ACTA2: variants seen among roughly 807,000 people sequenced by gnomAD.
ACTA2 encodes the protein actin, aortic smooth muscle.
Under a neutral mutation model 39.5 loss-of-function variants are expected in ACTA2, and 12 were observed. That is an observed-to-expected ratio of 0.30 (90% CI 0.19 to 0.49). ACTA2 has a LOEUF of 0.49. Ranked by LOEUF, ACTA2 falls within the 20% of genes least tolerant of loss-of-function variation. The pLI, the probability that ACTA2 is intolerant of heterozygous loss-of-function variation, is 0.99. For missense variants in ACTA2, 236 were observed against 498.8 expected, an observed-to-expected ratio of 0.47 and a Z score of 5.02; for synonymous variants, 158 against 180.6, an observed-to-expected ratio of 0.88 and a Z score of 1.00.
chr10:88,956,400 CTT>C (rs773111838), upstream of ACTA2, among the ~76,000 whole-genome samples: 3 of 152,194 alleles, frequency 2.0e-5, no homozygotes, highest in Non-Finnish European at 4.4e-5. Context: ...TTCAAACTCT[CTT>C]TCTGACACTA....
chr10:88,990,927 G>A lies in ACTA2; in HGVS notation c.-24+12C>T. The A allele has an allele frequency of 1.9e-6, 3 of 1,614,200 alleles. No individual in the cohort carries two copies. The highest frequency in any genetic ancestry group is 2.5e-6 in the Non-Finnish European group (3 of 1,180,020). ...CTCTGGTGAGCCCTCTCCTGCCCGG[G>A]TGGAGGCTTACCCCGTCTTAGTCCC... On this transcript the variant is annotated intron_variant, in intron 1 of 4. Coordinates refer to the ACTA2 transcript ENST00000415557. This position sits in a 1 kb window ranked among gnomAD's most constrained non-coding sequence, Gnocchi z 4.9.
At chr10:88,976,941 G>T (rs1846578460) in intron 1 of ACTA2, among the ~76,000 whole-genome samples, 1 of 152,228 alleles carries the variant, frequency 6.6e-6, no homozygotes, top group Non-Finnish European at 1.5e-5. Flanking sequence ...TATATCTGGT[G>T]AAGGTAATTT....
intron 1 of ACTA2, among the ~76,000 whole-genome samples, chr10:88,958,850 G>A (rs919427075): frequency 1.3e-5 from 2 of 152,098 alleles, no homozygotes; most frequent in African/African-American, 4.8e-5. Context: ...GGTTTCCTCG[G>A]TCCTCGGGGG....
upstream of ACTA2, among the ~76,000 whole-genome samples, chr10:88,957,624 G>A (rs1211059175): frequency 6.6e-6 from 1 of 152,124 alleles, no homozygotes; most frequent in Admixed American, 6.5e-5. Context: ...GAGGACCTTT[G>A]CTCATGCTGC....
intron 3 of ACTA2, among the ~76,000 whole-genome samples, chr10:88,944,621 T>C (rs1845913216): frequency 6.6e-6 from 1 of 152,224 alleles, no homozygotes; most frequent in Non-Finnish European, 1.5e-5. Flanking sequence ...TCTCGAGGGA[T>C]GAGAAAAGCT....
At chr10:88,987,308 T>C (rs904823632) in intron 1 of ACTA2, among the ~76,000 whole-genome samples, 2 of 152,266 alleles carry the variant, frequency 1.3e-5, no homozygotes, top group Non-Finnish European at 2.9e-5. Flanking sequence ...ATCAAAGTTC[T>C]GATAATTTAT....
At chr10:88,973,055 T>C in intron 1 of ACTA2, 1 of 1,093,476 alleles carries the variant, frequency 9.1e-7, no homozygotes, top group Non-Finnish European at 1.3e-6. Flanking sequence ...TTTTAAAAGC[T>C]AACCTTGTAA....
intron 1 of ACTA2, among the ~76,000 whole-genome samples, chr10:88,988,885 A>G (rs1847004916): frequency 6.6e-6 from 1 of 152,150 alleles, no homozygotes; most frequent in Admixed American, 6.5e-5. Context: ...GTAACCCAGA[A>G]TTTTCTAAGA....
upstream of ACTA2, among the ~76,000 whole-genome samples, chr10:88,955,980 G>A (rs1846131792): frequency 6.6e-6 from 1 of 152,166 alleles, no homozygotes; most frequent in South Asian, 2.1e-4. Flanking sequence ...GGCGTTAATA[G>A]GTTAGAAGCA....
intron 1 of ACTA2, among the ~76,000 whole-genome samples, chr10:88,951,821 A>G (rs575140587): frequency 1.3e-5 from 2 of 152,352 alleles, no homozygotes; most frequent in East Asian, 3.9e-4. Flanking sequence ...AACACAAACC[A>G]TATTTAGTCA....
chr10:88,941,338 C>T lies in ACTA2; in HGVS notation c.507G>A (p.Glu169=), dbSNP rs1315217943. The change falls in exon 6 of 9, where the codon GAG becomes GAA. Residue 169 remains glutamate, a synonymous_variant. Transcript: ENST00000224784. ...DGVTHNVPIY[E]GYALPHAIMR... Reference sequence around the variant, plus strand: ...TGATGGCATGGGGCAAGGCATAGCCCTCATAGATGGGGACATTGTGGGTGA... The same window carrying T: ...TGATGGCATGGGGCAAGGCATAGCCTTCATAGATGGGGACATTGTGGGTGA... 2.5e-6 allele frequency: 4 copies of T among 1,613,736 alleles called. No homozygotes were observed. Among genetic ancestry groups the T allele is most frequent in the Admixed American group, 3.3e-5 (2 of 59,970 alleles).
intron 3 of ACTA2, 93 bp downstream of exon 3, chr10:88,947,165 C>CAGTTAA: frequency 6.5e-7 from 1 of 1,537,350 alleles, no homozygotes; most frequent in Non-Finnish European, 8.9e-7. Flanking sequence ...CAATGTGAGC[C>CAGTTAA]AGTTATTTCC....
At chr10:88,953,847 G>A (rs989413345), upstream of ACTA2, among the ~76,000 whole-genome samples, 1 of 152,086 alleles carries the variant, frequency 6.6e-6, no homozygotes, top group Non-Finnish European at 1.5e-5. Context: ...TGTAAGACAC[G>A]CCTCTTCCCC....
chr10:88,951,117 G>T (rs1055055045), intron 1 of ACTA2, among the ~76,000 whole-genome samples: 1 of 151,950 alleles, frequency 6.6e-6, no homozygotes, highest in Non-Finnish European at 1.5e-5. Flanking sequence ...AATTATTTTG[G>T]CATTCCTGTG....
chr10:88,939,568 C>A lies in ACTA2; in HGVS notation c.747G>T (p.Val249=). The change falls in exon 7 of 9, where the codon GTG becomes GTT. Residue 249 remains valine, a synonymous_variant. Coordinates refer to ENST00000224784, the MANE Select transcript of ACTA2 (RefSeq NM_001613.4). ...GGAAACGTTCATTTCCGATGGTGATCACTTGCCCATCAGGCAACTCGTAAC... is the reference window on the plus strand; with the variant it reads ...GGAAACGTTCATTTCCGATGGTGATAACTTGCCCATCAGGCAACTCGTAAC... ...EKSYELPDGQ[V]ITIGNERFRC... 1 of 1,614,078 alleles carries A rather than the reference C, an allele frequency of 6.2e-7. No individual in the cohort carries two copies. The highest frequency in any genetic ancestry group is 8.5e-7 in the Non-Finnish European group (1 of 1,179,992).
chr10:88,941,679 C>T lies in ACTA2; in HGVS notation c.454+106G>A, dbSNP rs1359236881. On this transcript the variant is annotated intron_variant, in intron 5 of 8. Transcript: ENST00000224784. ...CTTTTAGGGCTGGGTTCAGCCGTGT[C>T]CATTCTAACTCAACTCCAGTCCGTC... The T allele has an allele frequency of 3.8e-6, 4 of 1,056,220 alleles. No individual in the cohort carries two copies. In the East Asian group the frequency reaches 1.0e-4, roughly 27 times the overall value. The allele number at this position is 1,056,220 out of a possible 1,614,324, so 65.4% of individuals were successfully genotyped here.
At chr10:88,943,021 A>G (rs1382095750) in intron 4 of ACTA2, among the ~76,000 whole-genome samples, 1 of 152,208 alleles carries the variant, frequency 6.6e-6, no homozygotes, top group Non-Finnish European at 1.5e-5. Flanking sequence ...CTGAGCCTCA[A>G]TTTCTTCATT....
At chr10:88,988,986 T>A (rs1847010810) in intron 1 of ACTA2, among the ~76,000 whole-genome samples, 1 of 152,140 alleles carries the variant, frequency 6.6e-6, no homozygotes, top group South Asian at 2.1e-4. Context: ...GGGCAGAGGG[T>A]AGGGGAAGGG....
At chr10:88,975,627 T>A (rs1169215435) in intron 1 of ACTA2, among the ~76,000 whole-genome samples, 1 of 151,960 alleles carries the variant, frequency 6.6e-6, no homozygotes, top group Non-Finnish European at 1.5e-5. Flanking sequence ...GGATCGTAAG[T>A]TCCATGAGAG....
Sources: gnomAD v4.1 joint callset for allele counts (sites outside exome capture counted in the v4.1 genomes callset) on GRCh38, gnomAD v4.1.1 for gene constraint, Gnocchi (gnomAD v3.1) non-coding constraint, MANE v1.5 for transcripts, NCBI Gene and HGNC (gene_info 2026-07-23, HGNC 2026-07-21) for gene names.